Variants in ALDH18A1 observed in about 807,000 individuals in gnomAD.
ALDH18A1 encodes the protein aldehyde dehydrogenase 18 family member A1.
A neutral mutation model predicts 88.8 loss-of-function variants in ALDH18A1; 44 were observed. That is an observed-to-expected ratio of 0.50 (90% CI 0.39 to 0.64). The LOEUF is 0.64. ALDH18A1 is among the 30% of genes least tolerant of loss of function. The pLI, the probability that ALDH18A1 is intolerant of heterozygous loss-of-function variation, is 0.00. For synonymous variants in ALDH18A1, 331 were observed against 372.1 expected (o/e 0.89, Z 1.27); for missense variants, 782 against 1,009.5 (o/e 0.77, Z 3.05).
intron 2 of ALDH18A1, among the ~76,000 whole-genome samples, chr10:95,651,115 A>G (rs146469548): frequency 0.038 from 5,740 of 152,260 alleles, 147 homozygotes; most frequent in Admixed American, 0.077. Flanking sequence ...CCTGGGTGAC[A>G]GGGCAAGACT....
At chr10:95,616,737 C>T in intron 12 of ALDH18A1, 123 bp from the exon 13 acceptor site, 1 of 1,268,966 alleles carries the variant, frequency 7.9e-7, no homozygotes, top group African/African-American at 1.5e-5. Context: ...AAGGCCTATG[C>T]TGTTTCATCT....
intron 17 of ALDH18A1, among the ~76,000 whole-genome samples, chr10:95,608,563 A>G (rs1392683365): frequency 6.6e-6 from 1 of 152,210 alleles, no homozygotes; most frequent in Non-Finnish European, 1.5e-5. Context: ...GTACAATGGC[A>G]TCATCTTAGC....
At chr10:95,651,573 C>T (rs575273737) in intron 2 of ALDH18A1, among the ~76,000 whole-genome samples, 16 of 152,292 alleles carry the variant, frequency 1.1e-4, no homozygotes, top group African/African-American at 3.8e-4. Context: ...CCTCAGGAAG[C>T]TTATAATCAT....
At chr10:95,609,764 T>C (rs921387293) in intron 17 of ALDH18A1, among the ~76,000 whole-genome samples, 8 of 83,180 alleles carry the variant, frequency 9.6e-5, no homozygotes, top group African/African-American at 2.7e-4. Context: ...CAGAAGTCTG[T>C]CTCTATTTTT....
At chr10:95,614,854 A>C (rs1356588415) in intron 13 of ALDH18A1, among the ~76,000 whole-genome samples, 2 of 152,208 alleles carry the variant, frequency 1.3e-5, no homozygotes, top group African/African-American at 4.8e-5. Context: ...AAACAATCTA[A>C]ATATTCATCA....
Position 95,606,460 on chromosome 10 carries a change from G to A in ALDH18A1, c.*302C>T. 5 of 1,240,964 alleles carry A rather than the reference G, an allele frequency of 4.0e-6. No individual in the cohort carries two copies. Among genetic ancestry groups the A allele is most frequent in the Non-Finnish European group, 5.1e-6 (5 of 980,684 alleles). 76.9% of individuals were successfully genotyped at this position (1,240,964 alleles called of 1,614,324 possible). ...ACTGAGGTGACACAAAGCAGCCATG[G>A]GTTTTCCTCGCCTTTTTTATGGGGA... On this transcript the variant is annotated 3_prime_UTR_variant, in exon 18 of 18. Transcript: ENST00000371224.
At chr10:95,625,484 C>T in intron 10 of ALDH18A1, 29 bp from the exon 11 acceptor site, 1 of 1,585,536 alleles carries the variant, frequency 6.3e-7, no homozygotes, top group East Asian at 2.2e-5. Flanking sequence ...ATTAAAAAAA[C>T]AGAGATGTTA....
chr10:95,631,765 AC>A lies in ALDH18A1; in HGVS notation c.808+1193del, dbSNP rs1419838353. 1.1e-3 allele frequency among the ~76,000 whole-genome samples: 153 copies of A among 134,642 alleles called. 2 individuals are homozygous for A. Among genetic ancestry groups the A allele is most frequent in the African/African-American group, 3.3e-3 (122 of 36,460 alleles). The allele number at this position is 134,642 out of a possible 152,430, so 88.3% of individuals were successfully genotyped here. A position where few individuals can be genotyped will look rare whatever the true frequency, so the allele number is the denominator to read the frequency against. ...CTCAAAAAAAAAAAAAAAAAAAAAAACAACTGAATAACAGCAATGATGTAAA... is the reference window on the plus strand; with the variant it reads ...CTCAAAAAAAAAAAAAAAAAAAAAAAAACTGAATAACAGCAATGATGTAAA... On this transcript the variant is annotated intron_variant, in intron 7 of 17. Coordinates refer to ENST00000371224, the MANE Select transcript of ALDH18A1 (RefSeq NM_002860.4).
At chr10:95,618,428 C>T (rs574130248) in intron 12 of ALDH18A1, among the ~76,000 whole-genome samples, 1 of 152,284 alleles carries the variant, frequency 6.6e-6, no homozygotes, top group East Asian at 1.9e-4. Context: ...TCAAGTGATT[C>T]CCCTGTCTCA....
intron 2 of ALDH18A1, 138 bp downstream of exon 2, chr10:95,653,152 C>T: frequency 3.8e-6 from 3 of 790,288 alleles, no homozygotes; most frequent in Non-Finnish European, 6.5e-6. Context: ...TGTGCCACTG[C>T]ACTCCAGCCT....
chr10:95,614,744 ATTTT>A (rs1433253545), intron 13 of ALDH18A1, among the ~76,000 whole-genome samples: 1 of 152,124 alleles, frequency 6.6e-6, no homozygotes, highest in Non-Finnish European at 1.5e-5. Flanking sequence ...TTTTCTCTTG[ATTTT>A]TAATTTTTCT....
chr10:95,614,268 G>A (rs2097840818), intron 13 of ALDH18A1, 107 bp from the exon 14 acceptor site: 14 of 1,170,630 alleles, frequency 1.2e-5, no homozygotes, highest in Non-Finnish European at 1.6e-5. Context: ...TGAGAACTAA[G>A]TGAGACACTG....
At chr10:95,623,721 A>G (rs1566013804) in intron 11 of ALDH18A1, among the ~76,000 whole-genome samples, 1 of 152,146 alleles carries the variant, frequency 6.6e-6, no homozygotes, top group Non-Finnish European at 1.5e-5. Context: ...ATGCGCCACC[A>G]AGCCCGGCTA....
At chr10:95,648,058 T>G (rs2097904090) in intron 2 of ALDH18A1, among the ~76,000 whole-genome samples, 1 of 152,164 alleles carries the variant, frequency 6.6e-6, no homozygotes, top group Admixed American at 6.5e-5. Context: ...GAGGGTACTG[T>G]GGGAACCCCA....
chr10:95,636,220 T>C (rs966152955), intron 5 of ALDH18A1, among the ~76,000 whole-genome samples: 12 of 152,200 alleles, frequency 7.9e-5, no homozygotes, highest in African/African-American at 2.9e-4. Flanking sequence ...ATATCACCTG[T>C]GTAAAATAAC....
chr10:95,629,999 A>G (rs1023126551), intron 7 of ALDH18A1, among the ~76,000 whole-genome samples: 13 of 152,010 alleles, frequency 8.6e-5, no homozygotes, highest in African/African-American at 2.9e-4. Flanking sequence ...TTAATTGAAC[A>G]GACTCAGATT....
intron 7 of ALDH18A1, 61 bp downstream of exon 7, chr10:95,632,898 T>G: frequency 1.4e-6 from 2 of 1,381,978 alleles, no homozygotes; most frequent in Non-Finnish European, 2.1e-6. Flanking sequence ...GAAACTCATG[T>G]GCTCACATAT....
Position 95,627,523 on chromosome 10 carries a change from G to C in ALDH18A1, c.997C>G (p.Pro333Ala), listed in dbSNP as rs764243277. ...GTGATGACGTGCCCAGACACCTTTG[G>C]GTGGGTTCCATTGGCAATAACAACA... The part of the protein sequence containing the change: ...TSVVIANGTH[P>A]KVSGHVITDI... Residue 333 changes from proline (P) to alanine (A), a missense_variant, in exon 9 of 18, where the codon CCA becomes GCA. By Grantham distance (27) the Pro-to-Ala change is conservative (BLOSUM62 -1). Coordinates refer to ENST00000371224, the MANE Select transcript of ALDH18A1 (RefSeq NM_002860.4). The C allele has an allele frequency of 2.5e-6, 4 of 1,614,048 alleles. No individual in the cohort carries two copies. Among genetic ancestry groups the C allele is most frequent in the Non-Finnish European group, 3.4e-6 (4 of 1,179,976 alleles).
intron 11 of ALDH18A1, among the ~76,000 whole-genome samples, chr10:95,624,673 A>C (rs2097857966): frequency 6.6e-6 from 1 of 152,206 alleles, no homozygotes. Flanking sequence ...CTACATGTCT[A>C]GGTGTTCACA....
Sources: allele counts gnomAD v4.1 joint callset (sites outside exome capture counted in the v4.1 genomes callset), GRCh38; gene constraint gnomAD v4.1.1; transcripts MANE v1.5; gene names NCBI Gene and HGNC (gene_info 2026-07-23, HGNC 2026-07-21).